Variants in RHBDF1 observed in about 807,000 individuals in gnomAD.
RHBDF1 encodes the protein rhomboid 5 homolog 1, also known as inactive rhomboid protein 1.
Under a neutral mutation model 98.6 loss-of-function variants are expected in RHBDF1, and 80 were observed. That is an observed-to-expected ratio of 0.81 (90% CI 0.68 to 0.98). The LOEUF is 0.98. RHBDF1 is among the 50% of genes least tolerant of loss of function. The pLI, the probability that RHBDF1 is intolerant of heterozygous loss-of-function variation, is 0.00. For synonymous variants in RHBDF1, 512 were observed against 486.8 expected (o/e 1.05, Z -0.68); for missense variants, 1,116 against 1,198.3 (o/e 0.93, Z 1.01).
In RHBDF1 at chr16:68,387, G is replaced by A. The variant is rs536250113; in HGVS notation, c.-24-3348C>T. 1.3e-3 allele frequency among the ~76,000 whole-genome samples: 203 copies of A among 152,292 alleles called. 1 individual carries two copies. The highest frequency in any genetic ancestry group is 4.6e-3 in the African/African-American group (193 of 41,568). ...TGGACAAAGAGTCTGGCCAGGGAGC[G>A]GCACATTGCCCTCCCAGAGACAGTG... On this transcript the variant is annotated intron_variant, in intron 1 of 17. Transcript: ENST00000262316.
intron 1 of RHBDF1, among the ~76,000 whole-genome samples, chr16:69,675 A>G (rs1897920649): frequency 6.6e-6 from 1 of 152,126 alleles, no homozygotes; most frequent in Non-Finnish European, 1.5e-5. Flanking sequence ...TGCCTTGTCT[A>G]TTAATGGCAT....
At chr16:66,203 C>T (rs540070715) in intron 1 of RHBDF1, among the ~76,000 whole-genome samples, 1 of 152,316 alleles carries the variant, frequency 6.6e-6, no homozygotes, top group East Asian at 1.9e-4. Context: ...CCAAATTCCT[C>T]AGCCTCTTTA....
At chr16:61,345 G>A in intron 10 of RHBDF1, 40 bp downstream of exon 10, 2 of 1,545,788 alleles carry the variant, frequency 1.3e-6, no homozygotes, top group African/African-American at 1.4e-5. Flanking sequence ...GCACCTCCAG[G>A]TCCCGCCCCC....
At chr16:63,226 C>G (rs1464481690) in intron 4 of RHBDF1, 44 bp from the exon 5 acceptor site, 2 of 1,472,220 alleles carry the variant, frequency 1.4e-6, no homozygotes, top group South Asian at 2.5e-5. Flanking sequence ...CATGGGGGCT[C>G]CTAGCTCACC....
Position 61,886 on chromosome 16 carries a change from C to G in RHBDF1, c.1120G>C (p.Gly374Arg). 1 of 1,608,562 alleles carries G rather than the reference C, an allele frequency of 6.2e-7. No individual in the cohort carries two copies. The highest frequency in any genetic ancestry group is 1.1e-5 in the South Asian group (1 of 91,060). The change falls in exon 8 of 18, where the codon GGC (glycine) becomes CGC (arginine). Residue 374 changes from glycine to arginine, a missense_variant. Coordinates refer to ENST00000262316, the MANE Select transcript of RHBDF1 (RefSeq NM_022450.5). The stretch of plus-strand genomic sequence containing the variant: ...CGGTTGGTGAGCCGTCCCACCATGC[C>G]CAGCCCATACGGCCGCTTCTCCCGG... Reference protein sequence around the residue: ...FAREKRPYGLGMVGRLTNRTY... With the variant: ...FAREKRPYGLRMVGRLTNRTY...
Position 63,810 on chromosome 16 carries a change from C to T in RHBDF1, c.249-10G>A. On this transcript the variant is annotated splice_polypyrimidine_tract_variant and intron_variant, in intron 3 of 17. Coordinates refer to ENST00000262316, the MANE Select transcript of RHBDF1 (RefSeq NM_022450.5). ...CCAGTCGGCGGTCCCCCTGGCATGG[C>T]AGGGACTCAGCAAGGGGCGGCCAGA... 2 of 1,611,276 alleles carry T rather than the reference C, an allele frequency of 1.2e-6. No homozygotes were observed. The highest frequency in any genetic ancestry group is 1.7e-6 in the Non-Finnish European group (2 of 1,178,506).
intron 1 of RHBDF1, among the ~76,000 whole-genome samples, chr16:69,378 C>T (rs1341464462): frequency 6.6e-6 from 1 of 152,170 alleles, no homozygotes; most frequent in Admixed American, 6.5e-5. Context: ...CAAGCCTGGG[C>T]TCTGCTCCGC....
In RHBDF1 at chr16:58,631, G is replaced by A. The variant is rs1332058307; in HGVS notation, c.2277C>T (p.Phe759=). 1 of 1,613,558 alleles carries A rather than the reference G, an allele frequency of 6.2e-7. No individual in the cohort carries two copies. The highest frequency in any genetic ancestry group is 8.5e-7 in the Non-Finnish European group (1 of 1,180,020). The part of the protein sequence containing the change: ...FKLLAVVLFL[F]TFGLLPWIDN... ...CAATCCACGGCAGCAGCCCAAAGGTGAAGAGGAAGAGCACCACAGCCAGCA... is the reference window on the plus strand; with the variant it reads ...CAATCCACGGCAGCAGCCCAAAGGTAAAGAGGAAGAGCACCACAGCCAGCA... Residue 759 remains phenylalanine (F), a synonymous_variant, in exon 18 of 18, where the codon TTC becomes TTT. Coordinates refer to ENST00000262316, the MANE Select transcript of RHBDF1 (RefSeq NM_022450.5).
rs57236135 is a variant in RHBDF1 at position 58,409 on chromosome 16, C to T, written c.2499G>A (p.Glu833=). 0.024 allele frequency: 38,874 copies of T among 1,613,868 alleles called. 1,845 individuals are homozygous for T. The highest frequency in any genetic ancestry group is 0.2 in the African/African-American group (15,158 of 74,978). The stretch of plus-strand genomic sequence containing the variant: ...CAGTGAAGGGGATGCAGGTGAGGAA[C>T]TCACACCACTCACAGCGGACAGGAT... ...YVYPVRCEWC[E]FLTCIPFTDK... Residue 833 remains glutamate, a synonymous_variant, in exon 18 of 18, where the codon GAG becomes GAA. Transcript: ENST00000262316.
chr16:62,296 C>T (rs908457150), intron 7 of RHBDF1: 2 of 718,662 alleles, frequency 2.8e-6, no homozygotes, highest in Non-Finnish European at 2.2e-6. Flanking sequence ...TCCGCCTCCC[C>T]GTTGGATTCT....
intron 1 of RHBDF1, among the ~76,000 whole-genome samples, chr16:72,172 G>A (rs1382257634): frequency 3.9e-5 from 6 of 152,216 alleles, no homozygotes; most frequent in Non-Finnish European, 2.9e-5. Flanking sequence ...CCGCTCCTGG[G>A]ACCCTCAGCT....
At chr16:64,019 GC>G (rs1316222576) in intron 3 of RHBDF1, 1 of 707,012 alleles carries the variant, frequency 1.4e-6, no homozygotes, top group East Asian at 2.7e-5. Flanking sequence ...AGCTGGCCTT[GC>G]CCGGTTGAGT....
intron 12 of RHBDF1, 54 bp downstream of exon 12, chr16:60,385 C>A (rs1897564300): frequency 6.3e-7 from 1 of 1,594,158 alleles, no homozygotes; most frequent in African/African-American, 1.3e-5. Context: ...TGCACCACAG[C>A]CCCCGGGGAA....
In RHBDF1 at chr16:59,478, G is replaced by A. The variant is rs747527300; in HGVS notation, c.1834C>T (p.Arg612Trp). 5.4e-5 allele frequency: 87 copies of A among 1,613,332 alleles called. No individual in the cohort carries two copies. Among genetic ancestry groups the A allele is most frequent in the Admixed American group, 1.5e-4 (9 of 59,978 alleles). ...GTKGRCEITSREYCDFMRGYF... is the reference protein window; with the variant it reads ...GTKGRCEITSWEYCDFMRGYF... ...CCCCTCATGAAGTCACAGTACTCCC[G>A]GGAGGTGATCTCACACCTAGAAAGG... The change falls in exon 15 of 18, where the codon CGG (arginine) becomes TGG (tryptophan). Residue 612 changes from arginine (R) to tryptophan (W), a missense_variant. Arg to Trp is a moderately radical substitution (Grantham distance 101). Coordinates refer to ENST00000262316, the MANE Select transcript of RHBDF1 (RefSeq NM_022450.5).
At chr16:75,325 G>A (rs1289568633), upstream of RHBDF1, among the ~76,000 whole-genome samples, 4 of 152,198 alleles carry the variant, frequency 2.6e-5, no homozygotes, top group Non-Finnish European at 4.4e-5. Flanking sequence ...TGACCAGTAA[G>A]AGGAGTGTTC....
chr16:70,066 A>G (rs928175411), intron 1 of RHBDF1, among the ~76,000 whole-genome samples: 2 of 152,048 alleles, frequency 1.3e-5, no homozygotes, highest in Non-Finnish European at 2.9e-5. Flanking sequence ...AGGGGTCACC[A>G]GAGCTAAACC....
intron 1 of RHBDF1, among the ~76,000 whole-genome samples, chr16:70,371 C>A (rs943182320): frequency 6.6e-6 from 1 of 152,212 alleles, no homozygotes; most frequent in Admixed American, 6.5e-5. Context: ...ATGGGCAGCC[C>A]AGTCACCAGT....
In RHBDF1 at chr16:66,498, C is replaced by T. The variant is rs148900391; in HGVS notation, c.-24-1459G>A. 5.1e-3 allele frequency among the ~76,000 whole-genome samples: 781 copies of T among 152,258 alleles called. 7 individuals carry two copies. The highest frequency in any genetic ancestry group is 0.018 in the African/African-American group (745 of 41,546). ...CTGGGACAGAGCTCACGGCTCCTTC[C>T]GACCCTGTACTACCAGGGAAAGGCT... On this transcript the variant is annotated intron_variant, in intron 1 of 17. Transcript: ENST00000262316.
intron 3 of RHBDF1, chr16:64,011 C>A: frequency 1.4e-6 from 1 of 717,384 alleles, no homozygotes. Flanking sequence ...TAGACCGCAG[C>A]TGGCCTTGCC....
Sources: gnomAD v4.1 joint callset for allele counts (sites outside exome capture counted in the v4.1 genomes callset) on GRCh38, gnomAD v4.1.1 for gene constraint, MANE v1.5 for transcripts, NCBI Gene and HGNC (gene_info 2026-07-23, HGNC 2026-07-21) for gene names.